Variants in KDM4A observed in about 807,000 individuals in gnomAD.
KDM4A encodes lysine demethylase 4A.
A neutral mutation model predicts 127.1 loss-of-function variants in KDM4A; 23 were observed. That is an observed-to-expected ratio of 0.18 (90% CI 0.13 to 0.26). The LOEUF is 0.26. Ranked by LOEUF, KDM4A falls within the 10% of genes least tolerant of loss-of-function variation. The pLI is 1.00. For synonymous variants in KDM4A, 443 were observed against 466.5 expected, an observed-to-expected ratio of 0.95 and a Z score of 0.65; for missense variants, 890 against 1,329.1, an observed-to-expected ratio of 0.67 and a Z score of 5.14.
At position 43,693,374 on chromosome 1, in the gene KDM4A, G is replaced by A. The variant is rs917770339; in HGVS notation, c.2376-620G>A. On this transcript the variant is annotated intron_variant, in intron 16 of 21. Coordinates refer to ENST00000372396, the MANE Select transcript of KDM4A (RefSeq NM_014663.3). The surrounding 1 kb of genome is among the most constrained non-coding windows in gnomAD (Gnocchi z 4.2). ...GGTTTTAAGAGTTGTCACCATTTTCGTTCTTCTCCTCTTGATGCATGCTGG... is the reference window on the plus strand; with the variant it reads ...GGTTTTAAGAGTTGTCACCATTTTCATTCTTCTCCTCTTGATGCATGCTGG... 2.6e-5 allele frequency among the ~76,000 whole-genome samples: 4 copies of A among 152,292 alleles called. 1 individual carries two copies. Among genetic ancestry groups the A allele is most frequent in the Middle Eastern group, 6.8e-3 (2 of 294 alleles).
At chr1:43,660,453 T>C in intron 4 of KDM4A, 41 bp downstream of exon 4, 7 of 1,554,278 alleles carry the variant, frequency 4.5e-6, no homozygotes, top group Non-Finnish European at 6.1e-6. Context: ...GTTTTTGTAA[T>C]TTTGTAATAC....
chr1:43,674,578 G>A (rs530359558), intron 11 of KDM4A, among the ~76,000 whole-genome samples: 7 of 151,308 alleles, frequency 4.6e-5, no homozygotes, highest in Admixed American at 4.6e-4. Flanking sequence ...GTGCAGTGGT[G>A]TAATCTTGGC....
At chr1:43,678,708 C>T (rs1451288694) in intron 11 of KDM4A, among the ~76,000 whole-genome samples, 1 of 151,976 alleles carries the variant, frequency 6.6e-6, no homozygotes, top group Non-Finnish European at 1.5e-5. Flanking sequence ...CCACCTCAGC[C>T]TCTCAAGTAG....
chr1:43,690,810 G>A lies in KDM4A; in HGVS notation c.2038-35G>A, dbSNP rs368795713. ...TGGAAAGCTAAGAGCATAGGCACGTGCTCACTGAGGTGTACACTTGTTCTT... is the reference window on the plus strand; with the variant it reads ...TGGAAAGCTAAGAGCATAGGCACGTACTCACTGAGGTGTACACTTGTTCTT... On this transcript the variant is annotated intron_variant, in intron 13 of 21. Transcript: ENST00000372396. 15 of 1,592,830 alleles carry A rather than the reference G, an allele frequency of 9.4e-6. No individual in the cohort carries two copies. In the African/African-American group the frequency reaches 2.0e-4, roughly 21 times the overall value.
intron 18 of KDM4A, among the ~76,000 whole-genome samples, chr1:43,696,837 T>C (rs977314230): frequency 6.6e-6 from 1 of 152,256 alleles, no homozygotes; most frequent in African/African-American, 2.4e-5. Context: ...CACTGATTTA[T>C]TCTTCAAATG....
At chr1:43,700,177 G>GAGTGC (rs1661352188) in intron 19 of KDM4A, 1 of 151,926 alleles carries the variant, frequency 6.6e-6, no homozygotes, top group African/African-American at 2.4e-5. Context: ...ACCCACGTTG[G>GAGTGC]AGTGCAGTGC....
In KDM4A at chr1:43,653,333, C is replaced by A; in HGVS notation, c.138+20C>A. 2 of 1,600,522 alleles carry A rather than the reference C, an allele frequency of 1.2e-6. No individual in the cohort carries two copies. Among genetic ancestry groups the A allele is most frequent in the South Asian group, 1.1e-5 (1 of 88,752 alleles). On this transcript the variant is annotated intron_variant, in intron 2 of 21. Coordinates refer to ENST00000372396, the MANE Select transcript of KDM4A (RefSeq NM_014663.3). ...GCCAAGGTAAGGAGCTGGGATTGTT[C>A]AAATGGTTTTGTTACCTAGGGCAGA... is the stretch of plus-strand genomic sequence containing the variant.
At chr1:43,668,397 T>A (rs1480432082) in intron 9 of KDM4A, among the ~76,000 whole-genome samples, 4 of 152,172 alleles carry the variant, frequency 2.6e-5, no homozygotes, top group Non-Finnish European at 5.9e-5. Context: ...AGTGCTGGGA[T>A]TACAGGTGTG....
In KDM4A at chr1:43,657,261, G is replaced by C. The variant is rs183041803; in HGVS notation, c.314+1495G>C. ...CTCTGTCGCCAGGCTAGAGTGCAGT[G>C]GCGTGATCTCGGCTCACTGCAGCCT... On this transcript the variant is annotated intron_variant, in intron 3 of 21. Transcript: ENST00000372396. Among the ~76,000 whole-genome samples, 363 of 151,640 alleles carry C rather than the reference G, an allele frequency of 2.4e-3. 2 individuals carry two copies. The highest frequency in any genetic ancestry group is 8.4e-3 in the African/African-American group (346 of 41,314).
chr1:43,662,819 T>C, intron 4 of KDM4A, 75 bp from the exon 5 acceptor site: 1 of 1,277,222 alleles, frequency 7.8e-7, no homozygotes, highest in Non-Finnish European at 1.1e-6. Flanking sequence ...ACTTGTGACC[T>C]ACTCTGATTT....
At position 43,694,720 on chromosome 1, in the gene KDM4A, C is replaced by T; in HGVS notation, c.2496C>T (p.Phe832=). 6.2e-7 allele frequency: 1 copy of T among 1,610,778 alleles called. No homozygotes were observed. Among genetic ancestry groups the T allele is most frequent in the Non-Finnish European group, 8.5e-7 (1 of 1,177,232 alleles). Reference sequence around the variant, plus strand: ...CCCCTGTGCTACAGAAATGTATCTTCTGTAAGAAGCGGAGGAAAAGAACTG... The same window carrying T: ...CCCCTGTGCTACAGAAATGTATCTTTTGTAAGAAGCGGAGGAAAAGAACTG... ...PLPRFKLKCI[F]CKKRRKRTAG... is the part of the protein sequence containing the mutation. The change falls in exon 18 of 22, where the codon TTC becomes TTT. Residue 832 remains phenylalanine, a synonymous_variant. Coordinates refer to ENST00000372396, the MANE Select transcript of KDM4A (RefSeq NM_014663.3). The surrounding 1 kb of genome is among the most constrained non-coding windows in gnomAD (Gnocchi z 5.2).
At chr1:43,663,110 A>G in intron 5 of KDM4A, 23 bp downstream of exon 5, 2 of 1,600,014 alleles carry the variant, frequency 1.2e-6, no homozygotes, top group Non-Finnish European at 1.7e-6. Flanking sequence ...TGCAGTCGGC[A>G]CCGGGCTTCT....
At chr1:43,665,846 C>T in intron 6 of KDM4A, 101 bp downstream of exon 6, 1 of 1,247,942 alleles carries the variant, frequency 8.0e-7, no homozygotes, top group East Asian at 2.4e-5. Flanking sequence ...ACTTGCAGGT[C>T]CTGTTGCAGG....
At position 43,704,740 on chromosome 1, in the gene KDM4A, C is replaced by G. The variant is rs1413270885; in HGVS notation, c.*370C>G. The G allele has an allele frequency of 3.9e-6, 1 of 254,684 alleles. No homozygotes were observed. Among genetic ancestry groups the G allele is most frequent in the African/African-American group, 2.3e-5 (1 of 44,122 alleles). 15.8% of individuals were successfully genotyped at this position (254,684 alleles called of 1,614,324 possible). A position where few individuals can be genotyped will look rare whatever the true frequency, so the allele number is the denominator to read the frequency against. On this transcript the variant is annotated 3_prime_UTR_variant, in exon 22 of 22. Transcript: ENST00000372396. The stretch of plus-strand genomic sequence containing the variant: ...CACCGACTAGGCTGAGGTGCTGGTA[C>G]TTGCCCCAACCCCTACTTTTGTATT...
intron 18 of KDM4A, among the ~76,000 whole-genome samples, chr1:43,696,488 A>G (rs986139990): frequency 3.9e-5 from 6 of 152,242 alleles, no homozygotes; most frequent in Admixed American, 6.5e-5. Flanking sequence ...ATTCTTTTTC[A>G]TAAAGATGTT....
At chr1:43,691,417 G>A (rs1275944262) in intron 14 of KDM4A, 79 bp from the exon 15 acceptor site, 3 of 1,139,810 alleles carry the variant, frequency 2.6e-6, no homozygotes, top group Non-Finnish European at 4.0e-6. Context: ...TTGGGAGGTG[G>A]TATATGGAAA....
chr1:43,671,734 C>A lies in KDM4A; in HGVS notation c.1593C>A (p.Leu531=). 1 of 1,613,974 alleles carries A rather than the reference C, an allele frequency of 6.2e-7. No individual in the cohort carries two copies. The highest frequency in any genetic ancestry group is 8.5e-7 in the Non-Finnish European group (1 of 1,179,916). ...CTGATTCAGAAACTAGTGAGCCTCT[C>A]TCCTGCCGAGCCCAAGGGCAAACGG... is the stretch of plus-strand genomic sequence containing the variant. The part of the protein sequence containing the change: ...ISSDSETSEP[L]SCRAQGQTGV... The change falls in exon 11 of 22, where the codon CTC becomes CTA. Residue 531 remains leucine (L), a synonymous_variant. Transcript: ENST00000372396.
intron 10 of KDM4A, 61 bp downstream of exon 10, chr1:43,669,360 G>A: frequency 1.3e-6 from 2 of 1,493,436 alleles, no homozygotes; most frequent in Non-Finnish European, 1.9e-6. Context: ...CGTGTTAGAT[G>A]CCATATTGAG....
rs1256578931 is a variant in KDM4A, at chr1:43,694,797, T to A, written c.2573T>A (p.Val858Glu). ...GGCCGCTGCCCAACTGCCTTCCATGTGAGCTGCGCCCAGGCTGCCGGTGTG... is the reference window on the plus strand; with the variant it reads ...GGCCGCTGCCCAACTGCCTTCCATGAGAGCTGCGCCCAGGCTGCCGGTGTG... Reference protein sequence around the residue: ...SHGRCPTAFHVSCAQAAGVMM... With the variant: ...SHGRCPTAFHESCAQAAGVMM... Residue 858 changes from valine to glutamate, a missense_variant, in exon 18 of 22, where the codon GTG (valine) becomes GAG (glutamate). Val to Glu is a moderately radical substitution (Grantham distance 121). Transcript: ENST00000372396. The surrounding 1 kb of genome is among the most constrained non-coding windows in gnomAD (Gnocchi z 5.2). 6.2e-7 allele frequency: 1 copy of A among 1,613,922 alleles called. No homozygotes were observed. The highest frequency in any genetic ancestry group is 8.5e-7 in the Non-Finnish European group (1 of 1,179,880).
Sources: gnomAD v4.1 joint callset for allele counts (sites outside exome capture counted in the v4.1 genomes callset) on GRCh38, gnomAD v4.1.1 for gene constraint, Gnocchi (gnomAD v3.1) non-coding constraint, MANE v1.5 for transcripts, NCBI Gene and HGNC (gene_info 2026-07-23, HGNC 2026-07-21) for gene names.